KCNMA1: variants seen among roughly 807,000 people sequenced by gnomAD.
KCNMA1 encodes the protein potassium calcium-activated channel subfamily M alpha 1.
Under a neutral mutation model 140.0 loss-of-function variants are expected in KCNMA1, and 29 were observed. The ratio of observed to expected loss-of-function variants is 0.21; its 90% CI spans 0.15 to 0.28. The LOEUF (loss-of-function observed/expected upper bound fraction) is 0.28. Ranked by LOEUF, KCNMA1 falls within the 10% of genes least tolerant of loss-of-function variation. The probability of loss-of-function intolerance (pLI) is 1.00; values close to 1 mark genes in which losing one functional copy is unlikely to be tolerated. For synonymous variants in KCNMA1, 612 were observed against 611.9 expected, an observed-to-expected ratio of 1.00 and a Z score of 0.00; for missense variants, 880 against 1,602.2, an observed-to-expected ratio of 0.55 and a Z score of 7.70.
intron 23 of KCNMA1, among the ~76,000 whole-genome samples, chr10:76,924,890 G>A (rs1383461344): frequency 2.0e-5 from 3 of 152,154 alleles, no homozygotes; most frequent in East Asian, 1.9e-4. Flanking sequence ...GGGGAAGGGA[G>A]GAGCAGTCAG....
intron 2 of KCNMA1, among the ~76,000 whole-genome samples, chr10:77,399,092 G>A (rs1360483201): frequency 2.6e-5 from 4 of 152,088 alleles, no homozygotes; most frequent in Non-Finnish European, 2.9e-5. Context: ...ATAAGCCACC[G>A]ACTTGGCTCT....
At chr10:77,274,860 C>T (rs944370596) in intron 2 of KCNMA1, among the ~76,000 whole-genome samples, 1 of 152,198 alleles carries the variant, frequency 6.6e-6, no homozygotes, top group African/African-American at 2.4e-5. Flanking sequence ...CTCACTGCCG[C>T]AGAAGCCATC....
At chr10:77,315,942 C>T (rs892062452) in intron 2 of KCNMA1, among the ~76,000 whole-genome samples, 3 of 152,108 alleles carry the variant, frequency 2.0e-5, no homozygotes, top group African/African-American at 4.8e-5. Flanking sequence ...TCTTTATATT[C>T]CCAGTGCTAA....
chr10:77,370,120 T>C (rs1170267420), intron 2 of KCNMA1, among the ~76,000 whole-genome samples: 1 of 152,208 alleles, frequency 6.6e-6, no homozygotes, highest in Non-Finnish European at 1.5e-5. Context: ...TAATGGATTT[T>C]AGGTAAAGAA....
intron 1 of KCNMA1, among the ~76,000 whole-genome samples, chr10:77,508,973 A>C (rs1281170857): frequency 6.6e-6 from 1 of 152,212 alleles, no homozygotes. Flanking sequence ...CCCATGTTGT[A>C]GCATGTGGCA....
At chr10:77,612,867 C>G (rs2087523631) in intron 1 of KCNMA1, among the ~76,000 whole-genome samples, 1 of 152,156 alleles carries the variant, frequency 6.6e-6, no homozygotes, top group African/African-American at 2.4e-5. Flanking sequence ...AAGCCATTTG[C>G]TTATGGAAGA....
intron 2 of KCNMA1, among the ~76,000 whole-genome samples, chr10:77,349,389 G>GC (rs997561662): frequency 6.6e-6 from 1 of 152,094 alleles, no homozygotes; most frequent in Non-Finnish European, 1.5e-5. Context: ...GTGCTTATCA[G>GC]CCCCCCAAGT....
intron 3 of KCNMA1, among the ~76,000 whole-genome samples, chr10:77,197,148 C>A (rs562433237): frequency 1.3e-5 from 2 of 152,262 alleles, no homozygotes; most frequent in Admixed American, 6.5e-5. Flanking sequence ...CATTTCATTT[C>A]TTTTAAAGTT....
chr10:77,471,725 C>A (rs527814381), intron 1 of KCNMA1, among the ~76,000 whole-genome samples: 32 of 150,674 alleles, frequency 2.1e-4, no homozygotes, highest in African/African-American at 7.8e-4. Flanking sequence ...CACACATACA[C>A]ACATAACACA....
intron 5 of KCNMA1, among the ~76,000 whole-genome samples, chr10:77,123,179 C>CAA (rs61374890): frequency 0.02 from 1,172 of 59,612 alleles, 278 homozygotes; most frequent in African/African-American, 0.03. Flanking sequence ...GACTCCGTCT[C>CAA]AAAAAAAAAA....
intron 2 of KCNMA1, among the ~76,000 whole-genome samples, chr10:77,311,635 A>C (rs2079331482): frequency 6.6e-6 from 1 of 152,236 alleles, no homozygotes; most frequent in South Asian, 2.1e-4. Context: ...AGAGAGAGCA[A>C]GCGAGCTGGG....
intron 5 of KCNMA1, among the ~76,000 whole-genome samples, chr10:77,158,771 G>C (rs968367298): frequency 3.3e-5 from 5 of 152,132 alleles, no homozygotes; most frequent in Non-Finnish European, 7.3e-5. Flanking sequence ...AGTTGCCCAG[G>C]TTTTATTTCA....
At chr10:77,244,112 T>C (rs1377383491) in intron 3 of KCNMA1, among the ~76,000 whole-genome samples, 1 of 152,196 alleles carries the variant, frequency 6.6e-6, no homozygotes, top group Non-Finnish European at 1.5e-5. Flanking sequence ...CATTTCTGTA[T>C]TTAGTAGAAA....
At chr10:77,069,955 A>G (rs747904065) in intron 14 of KCNMA1, among the ~76,000 whole-genome samples, 19 of 152,156 alleles carry the variant, frequency 1.2e-4, no homozygotes, top group Non-Finnish European at 2.2e-4. Flanking sequence ...AGCTGGGACT[A>G]CAGGCATGCG....
chr10:77,247,945 T>C (rs1011718731), intron 3 of KCNMA1, among the ~76,000 whole-genome samples: 1 of 152,114 alleles, frequency 6.6e-6, no homozygotes, highest in Non-Finnish European at 1.5e-5. Flanking sequence ...GCTACACAAA[T>C]GAGTCTTCCC....
chr10:77,613,656 C>T (rs896088096), intron 1 of KCNMA1, among the ~76,000 whole-genome samples: 44 of 152,336 alleles, frequency 2.9e-4, no homozygotes, highest in African/African-American at 1.0e-3. Context: ...ACTATAATCA[C>T]TCTGTTCTCC....
At chr10:77,438,430 G>A (rs564359247) in intron 1 of KCNMA1, among the ~76,000 whole-genome samples, 5 of 151,958 alleles carry the variant, frequency 3.3e-5, no homozygotes, top group Non-Finnish European at 7.4e-5. Context: ...GGGCGTGGTG[G>A]TGCATGCCTA....
chr10:77,289,470 G>A (rs2072374574), intron 2 of KCNMA1, among the ~76,000 whole-genome samples: 1 of 152,180 alleles, frequency 6.6e-6, no homozygotes, highest in Non-Finnish European at 1.5e-5. Context: ...GGGCCCACAA[G>A]GTGTCAGCAT....
chr10:77,171,386 C>CAT (rs2098704609), intron 5 of KCNMA1, among the ~76,000 whole-genome samples: 2 of 137,050 alleles, frequency 1.5e-5, no homozygotes, highest in Non-Finnish European at 1.5e-5. Context: ...AGTACGTGTG[C>CAT]GTGTGTGTGT....
Sources: allele counts gnomAD v4.1 joint callset (sites outside exome capture counted in the v4.1 genomes callset), GRCh38; gene constraint gnomAD v4.1.1; transcripts MANE v1.5; gene names NCBI Gene and HGNC (gene_info 2026-07-23, HGNC 2026-07-21).